PRKG1: variants seen among roughly 807,000 people sequenced by gnomAD.
PRKG1 encodes the protein cGMP-dependent protein kinase 1.
PRKG1 carries 35 observed loss-of-function variants against 88.1 expected under a neutral mutation model. The observed-to-expected ratio is 0.40, with a 90% CI of 0.30 to 0.53. PRKG1 has a LOEUF of 0.53. Ranked by LOEUF, PRKG1 falls within the 20% of genes least tolerant of loss-of-function variation. PRKG1 has a pLI of 0.59. For missense variants in PRKG1, 540 were observed against 839.8 expected (o/e 0.64, Z 4.41); for synonymous variants, 303 against 292.5 (o/e 1.04, Z -0.37).
chr10:51,657,248 T>C (rs1019235191), intron 3 of PRKG1, among the ~76,000 whole-genome samples: 1 of 152,112 alleles, frequency 6.6e-6, no homozygotes, highest in African/African-American at 2.4e-5. Flanking sequence ...CAAACTCTCA[T>C]TTATATGGTT....
At chr10:51,453,409 T>C (rs1839495052) in intron 2 of PRKG1, among the ~76,000 whole-genome samples, 1 of 152,054 alleles carries the variant, frequency 6.6e-6, no homozygotes, top group African/African-American at 2.4e-5. Flanking sequence ...TCTTAGGTTG[T>C]ATATTTGTGC....
intron 2 of PRKG1, among the ~76,000 whole-genome samples, chr10:51,455,985 G>T (rs147232433): frequency 8.5e-5 from 13 of 152,236 alleles, no homozygotes; most frequent in Admixed American, 5.2e-4. Flanking sequence ...ATATTAGTCT[G>T]TTCTCATGCT....
At chr10:51,943,352 G>A in intron 5 of PRKG1, among the ~76,000 whole-genome samples, 1 of 151,722 alleles carries the variant, frequency 6.6e-6, no homozygotes, top group Admixed American at 6.6e-5. Flanking sequence ...GGAGATTTTG[G>A]GCTGAGATGA....
At chr10:51,341,037 C>T (rs945915602) in intron 2 of PRKG1, among the ~76,000 whole-genome samples, 15 of 152,156 alleles carry the variant, frequency 9.9e-5, no homozygotes, top group Non-Finnish European at 2.1e-4. Context: ...ACTCCATACA[C>T]TTGGTGGGAA....
chr10:51,749,218 G>T, intron 3 of PRKG1, among the ~76,000 whole-genome samples: 1 of 152,072 alleles, frequency 6.6e-6, no homozygotes, highest in East Asian at 1.9e-4. Flanking sequence ...AAATGCTTAA[G>T]TTTTTTTTTA....
At chr10:51,951,940 A>G (rs12255212) in intron 5 of PRKG1, among the ~76,000 whole-genome samples, 2,322 of 152,290 alleles carry the variant, frequency 0.015, 52 homozygotes, top group African/African-American at 0.051. Flanking sequence ...TGCCACATCA[A>G]TATTATATGA....
chr10:51,511,804 A>G (rs1841420705), intron 3 of PRKG1, among the ~76,000 whole-genome samples: 1 of 152,206 alleles, frequency 6.6e-6, no homozygotes, highest in Non-Finnish European at 1.5e-5. Context: ...ACAGAAATGC[A>G]TATAGGTAGC....
intron 5 of PRKG1, among the ~76,000 whole-genome samples, chr10:51,949,085 T>C (rs1338043210): frequency 1.3e-5 from 2 of 152,204 alleles, no homozygotes; most frequent in Non-Finnish European, 2.9e-5. Flanking sequence ...GGACTAAAGA[T>C]TGCCTTCAAT....
intron 9 of PRKG1, among the ~76,000 whole-genome samples, chr10:52,185,527 T>C (rs923744404): frequency 1.3e-5 from 2 of 152,168 alleles, no homozygotes; most frequent in Non-Finnish European, 2.9e-5. Flanking sequence ...TTCTGGGATA[T>C]GGAGGGTGGA....
chr10:51,606,280 C>T (rs1589125715), intron 3 of PRKG1, among the ~76,000 whole-genome samples: 1 of 152,142 alleles, frequency 6.6e-6, no homozygotes, highest in Non-Finnish European at 1.5e-5. Context: ...ATAAAGACAA[C>T]CTATGGATTT....
chr10:51,725,664 A>G (rs895236147), intron 3 of PRKG1, among the ~76,000 whole-genome samples: 1 of 146,306 alleles, frequency 6.8e-6, no homozygotes, highest in African/African-American at 2.5e-5. Flanking sequence ...ACAGGGTTTC[A>G]TTCCTGTAGC....
chr10:51,960,038 T>A (rs72801443), intron 5 of PRKG1, among the ~76,000 whole-genome samples: 11,661 of 152,100 alleles, frequency 0.077, 1,260 homozygotes, highest in African/African-American at 0.24. Flanking sequence ...TCCATTACAG[T>A]GTTCTATAGC....
intron 5 of PRKG1, among the ~76,000 whole-genome samples, chr10:51,915,429 G>C (rs1335870111): frequency 6.6e-6 from 1 of 152,170 alleles, no homozygotes; most frequent in African/African-American, 2.4e-5. Flanking sequence ...GGCCTAACAT[G>C]CTCTGAGTTT....
At chr10:51,318,128 C>G (rs973555797) in intron 2 of PRKG1, among the ~76,000 whole-genome samples, 10 of 152,170 alleles carry the variant, frequency 6.6e-5, no homozygotes, top group African/African-American at 2.4e-4. Context: ...AAATTACACT[C>G]TACTTACTTA....
At chr10:51,367,594 T>A (rs1230045049) in intron 2 of PRKG1, among the ~76,000 whole-genome samples, 1 of 151,972 alleles carries the variant, frequency 6.6e-6, no homozygotes, top group Non-Finnish European at 1.5e-5. Context: ...CTGTCCCCCT[T>A]ATTTTTATAC....
chr10:51,498,932 A>G (rs1840943971), intron 3 of PRKG1, among the ~76,000 whole-genome samples: 1 of 151,192 alleles, frequency 6.6e-6, no homozygotes, highest in Admixed American at 6.6e-5. Flanking sequence ...AAGCCAGCAC[A>G]TATACACAAG....
chr10:51,357,077 G>A (rs1291013550), intron 2 of PRKG1, among the ~76,000 whole-genome samples: 2 of 151,948 alleles, frequency 1.3e-5, no homozygotes, highest in Admixed American at 1.3e-4. Flanking sequence ...GCAGGAGCTA[G>A]ATAAATATTT....
At chr10:51,265,101 A>T (rs10996427) in intron 2 of PRKG1, among the ~76,000 whole-genome samples, 19,295 of 151,384 alleles carry the variant, frequency 0.13, 1,534 homozygotes, top group African/African-American at 0.23. Flanking sequence ...TTCTTTTTTT[A>T]AAAAAAAAGA....
At chr10:51,016,691 T>TTTTTTTCTTTTTTTTTTTTTTTTTTGAA (rs1220498758) in intron 1 of PRKG1, among the ~76,000 whole-genome samples, 1 of 132,334 alleles carries the variant, frequency 7.6e-6, no homozygotes, top group Non-Finnish European at 1.6e-5. Flanking sequence ...TTTTTTTTTT[T>TTTTTTTCTTTTTTTTTTTTTTTTTTGAA]TGGAATCTTG....
Sources: gnomAD v4.1 joint callset for allele counts (sites outside exome capture counted in the v4.1 genomes callset) on GRCh38, gnomAD v4.1.1 for gene constraint, MANE v1.5 for transcripts, NCBI Gene and HGNC (gene_info 2026-07-23, HGNC 2026-07-21) for gene names.